The following LY9 variants were observed in gnomAD, a reference collection of about 807,000 sequenced individuals.
LY9 encodes T-lymphocyte surface antigen Ly-9.
In LY9, 59 loss-of-function variants were observed where a neutral mutation model predicts 64.6. That is an observed-to-expected ratio of 0.91 (90% CI 0.74 to 1.13). The LOEUF (loss-of-function observed/expected upper bound fraction) is 1.13, where lower values mean the gene tolerates loss of function less well. LY9 is among the 50% of genes most tolerant of loss of function. The pLI is 0.00. For missense variants in LY9, 789 were observed against 797.2 expected (o/e 0.99, Z 0.12); for synonymous variants, 281 against 308.5 (o/e 0.91, Z 0.93).
At chr1:160,804,406 C>T (rs539436057) in intron 2 of LY9, among the ~76,000 whole-genome samples, 23 of 152,274 alleles carry the variant, frequency 1.5e-4, no homozygotes, top group South Asian at 4.1e-4. Context: ...GATTTACATA[C>T]GTTAAACCAT....
chr1:160,827,771 T>G lies in LY9; in HGVS notation c.1923T>G (p.Asn641Lys). ...AGGTGGTGCCACCACCACAACAGAATGATCTTGAGATTCCTGAAAGTCCTA... is the reference window on the plus strand; with the variant it reads ...AGGTGGTGCCACCACCACAACAGAAGGATCTTGAGATTCCTGAAAGTCCTA... ...KPQVVPPPQQ[N>K]DLEIPESPTY... The change falls in exon 10 of 10, where the codon AAT (asparagine) becomes AAG (lysine). Residue 641 changes from asparagine to lysine, a missense_variant. Transcript: ENST00000263285. 6.2e-7 allele frequency: 1 copy of G among 1,610,668 alleles called. No homozygotes were observed. Among genetic ancestry groups the G allele is most frequent in the Non-Finnish European group, 8.5e-7 (1 of 1,178,568 alleles).
At chr1:160,800,601 C>T (rs549929937) in intron 2 of LY9, among the ~76,000 whole-genome samples, 8 of 152,104 alleles carry the variant, frequency 5.3e-5, no homozygotes, top group African/African-American at 1.2e-4. Flanking sequence ...ATTGCATGCA[C>T]ATATTGCATG....
chr1:160,811,243 T>TA (rs1396023002), intron 2 of LY9: 1 of 152,252 alleles, frequency 6.6e-6, no homozygotes, highest in Non-Finnish European at 1.5e-5. Context: ...TGTACAGCTG[T>TA]ATTGACTTAT....
intron 2 of LY9, among the ~76,000 whole-genome samples, chr1:160,805,261 C>T (rs1341237226): frequency 2.7e-5 from 4 of 150,668 alleles, no homozygotes; most frequent in Non-Finnish European, 5.9e-5. Context: ...CTCAGCACTG[C>T]TTTTGCTGTA....
Position 160,827,951 on chromosome 1 carries a change from C to T in LY9, c.*135C>T. 1.5e-6 allele frequency: 1 copy of T among 652,488 alleles called. No individual in the cohort carries two copies. Among genetic ancestry groups the T allele is most frequent in the East Asian group, 2.7e-5 (1 of 36,812 alleles). The allele number at this position is 652,488 out of a possible 1,614,324, so 40.4% of individuals were successfully genotyped here. A position where few individuals can be genotyped will look rare whatever the true frequency, so the allele number is the denominator to read the frequency against. Reference sequence around the variant, plus strand: ...GCCTCAGAGATGCCTGGATGTGGCCCCTCCCCCTCCTTCTCACCCTTAAGG... The same window carrying T: ...GCCTCAGAGATGCCTGGATGTGGCCTCTCCCCCTCCTTCTCACCCTTAAGG... On this transcript the variant is annotated 3_prime_UTR_variant, in exon 10 of 10. Coordinates refer to ENST00000263285, the MANE Select transcript of LY9 (RefSeq NM_002348.4).
rs146628334 is a variant in LY9, at chr1:160,799,815, G to A, written c.187G>A (p.Val63Met). 30 of 1,613,994 alleles carry A rather than the reference G, an allele frequency of 1.9e-5. No individual in the cohort carries two copies. The highest frequency in any genetic ancestry group is 1.1e-4 in the African/African-American group (8 of 75,044). ...TVVSGILGGS[V>M]TLPLNISVDT... ...GGTGTCAGGGATCCTAGGGGGTTCC[G>A]TGACTCTCCCCCTAAACATCTCAGT... Residue 63 changes from valine (V) to methionine (M), a missense_variant, in exon 2 of 10, where the codon GTG becomes ATG. Val to Met is a conservative substitution (Grantham distance 21). Coordinates refer to ENST00000263285, the MANE Select transcript of LY9 (RefSeq NM_002348.4).
intron 4 of LY9, 56 bp from the exon 5 acceptor site, chr1:160,816,538 G>C: frequency 6.6e-7 from 1 of 1,516,520 alleles, no homozygotes; most frequent in Admixed American, 2.0e-5. Context: ...ATGAAGACAG[G>C]TGACTGCTCA....
chr1:160,802,130 G>A (rs1666556481), intron 2 of LY9: 1 of 1,345,370 alleles, frequency 7.4e-7, no homozygotes, highest in Non-Finnish European at 9.5e-7. Context: ...GAGACTCCTG[G>A]TCTGTGAAGA....
chr1:160,807,257 T>C (rs1394986785), intron 2 of LY9, among the ~76,000 whole-genome samples: 1 of 152,182 alleles, frequency 6.6e-6, no homozygotes, highest in African/African-American at 2.4e-5. Flanking sequence ...ATTGTGTTGT[T>C]GGGGTAGGGC....
At chr1:160,809,333 TTTATTATTATTA>T (rs138398905) in intron 2 of LY9, among the ~76,000 whole-genome samples, 28,376 of 140,122 alleles carry the variant, frequency 0.2, 3,380 homozygotes, top group Admixed American at 0.35. Flanking sequence ...AAATCCTGAA[TTTATTATTATTA>T]TTATTATTAT....
At chr1:160,817,223 G>A (rs748666719) in intron 5 of LY9, among the ~76,000 whole-genome samples, 2 of 152,134 alleles carry the variant, frequency 1.3e-5, no homozygotes, top group African/African-American at 4.8e-5. Context: ...TCTCGATTCC[G>A]ATGCTAAATT....
intron 7 of LY9, among the ~76,000 whole-genome samples, chr1:160,819,683 C>T (rs554191018): frequency 1.4e-4 from 21 of 150,672 alleles, no homozygotes; most frequent in Admixed American, 1.1e-3. Flanking sequence ...CCCAGCTACT[C>T]GGGAGGCTGA....
intron 7 of LY9, among the ~76,000 whole-genome samples, chr1:160,820,973 TG>T (rs67519779): frequency 0.53 from 79,897 of 150,740 alleles, 22,095 homozygotes; most frequent in East Asian, 0.7. Context: ...GCCAACATGG[TG>T]AAACCCCGTC....
At chr1:160,816,572 G>C (rs762533779) in intron 4 of LY9, 22 bp from the exon 5 acceptor site, 9 of 1,567,754 alleles carry the variant, frequency 5.7e-6, no homozygotes, top group Non-Finnish European at 7.8e-6. Context: ...ATTCCACATG[G>C]AGTCTGCCTC....
chr1:160,797,263 G>A (rs1665978878), intron 1 of LY9: 4 of 985,570 alleles, frequency 4.1e-6, no homozygotes, highest in Non-Finnish European at 4.8e-6. Flanking sequence ...GGGCTTCAGG[G>A]ATGATGGTGC....
Position 160,823,732 on chromosome 1 carries a change from A to G in LY9, c.1766A>G (p.Tyr589Cys). The change falls in exon 8 of 10, where the codon TAT (tyrosine) becomes TGT (cysteine). Residue 589 changes from tyrosine to cysteine, a missense_variant. Transcript: ENST00000263285. The part of the protein sequence containing the change: ...GQADYDPVTP[Y>C]VTEVESVVGE... ...GCAGACTATGATCCCGTCACTCCAT[A>G]TGTCACGGAAGTTGAGTCTGTGGTT... 1 of 1,614,140 alleles carries G rather than the reference A, an allele frequency of 6.2e-7. No individual in the cohort carries two copies. The highest frequency in any genetic ancestry group is 1.3e-5 in the African/African-American group (1 of 75,026).
Position 160,816,769 on chromosome 1 carries a change from G to C in LY9, c.1248G>C (p.Trp416Cys). Residue 416 changes from tryptophan (W) to cysteine (C), a missense_variant, in exon 5 of 10, where the codon TGG becomes TGC. Coordinates refer to ENST00000263285, the MANE Select transcript of LY9 (RefSeq NM_002348.4). Reference protein sequence around the residue: ...SQGESHLNVSWRSSENHPNLT... With the variant: ...SQGESHLNVSCRSSENHPNLT... ...GGGAATCACACCTCAATGTCTCATG[G>C]AGAAGCAGTGAAAATCACCCCAACC... is the stretch of plus-strand genomic sequence containing the variant. The C allele has an allele frequency of 6.2e-7, 1 of 1,614,238 alleles. No homozygotes were observed. The highest frequency in any genetic ancestry group is 2.2e-5 in the East Asian group (1 of 44,888).
intron 4 of LY9, among the ~76,000 whole-genome samples, chr1:160,815,764 A>G (rs1241089199): frequency 3.3e-5 from 5 of 152,264 alleles, no homozygotes; most frequent in African/African-American, 9.6e-5. Flanking sequence ...AAGACTGAGG[A>G]GAAGCCCTTG....
In LY9 at chr1:160,803,303, A is replaced by G. The variant is rs184725743; in HGVS notation, c.454+3221A>G. On this transcript the variant is annotated intron_variant, in intron 2 of 9. Transcript: ENST00000263285. ...GTCTAAAAAAAAATTTTTTTTTTTA[A>G]AAAGTATTGTTTTTCTAATCTGAGA... 2.9e-4 allele frequency among the ~76,000 whole-genome samples: 44 copies of G among 152,052 alleles called. 1 individual carries two copies. The highest frequency in any genetic ancestry group is 1.1e-3 in the African/African-American group (44 of 41,486).
Sources: gnomAD v4.1 joint callset for allele counts (sites outside exome capture counted in the v4.1 genomes callset) on GRCh38, gnomAD v4.1.1 for gene constraint, MANE v1.5 for transcripts, NCBI Gene and HGNC (gene_info 2026-07-23, HGNC 2026-07-21) for gene names.